DMGDH: variants seen among roughly 807,000 people sequenced by gnomAD.
The protein encoded by DMGDH is dimethylglycine dehydrogenase, mitochondrial.
Under a neutral mutation model 95.2 loss-of-function variants are expected in DMGDH, and 76 were observed. The observed-to-expected ratio is 0.80, with a 90% CI of 0.66 to 0.97. The LOEUF is 0.97. Ranked by LOEUF, DMGDH falls within the 50% of genes least tolerant of loss-of-function variation. The pLI, the probability that DMGDH is intolerant of heterozygous loss-of-function variation, is 0.00. For synonymous variants in DMGDH, 345 were observed against 377.6 expected (o/e 0.91, Z 1.00); for missense variants, 987 against 1,055.0 (o/e 0.94, Z 0.89).
At position 79,005,335 on chromosome 5, in the gene DMGDH, G is replaced by A. The variant is rs1753526671; in HGVS notation, c.2323C>T (p.Leu775Phe). 2 of 1,613,684 alleles carry A rather than the reference G, an allele frequency of 1.2e-6. No individual in the cohort carries two copies. Among genetic ancestry groups the A allele is most frequent in the African/African-American group, 1.3e-5 (1 of 74,916 alleles). The change falls in exon 15 of 16, where the codon CTC (leucine) becomes TTC (phenylalanine). Residue 775 changes from leucine to phenylalanine, a missense_variant. Transcript: ENST00000255189. ...AKGLKRRLVC[L>F]TLATDDVDPE... ...TCAACATCATCCGTTGCCAAGGTGA[G>A]GCAGACCAGTCTTCGTTTCAGCCCC... is the stretch of plus-strand genomic sequence containing the variant.
chr5:79,004,475 T>C (rs1753508892), intron 15 of DMGDH, among the ~76,000 whole-genome samples: 1 of 152,188 alleles, frequency 6.6e-6, no homozygotes, highest in Non-Finnish European at 1.5e-5. Flanking sequence ...CCCTGTTCAT[T>C]GTGGAACAGC....
chr5:79,022,564 T>C (rs1753895848), intron 14 of DMGDH, among the ~76,000 whole-genome samples: 2 of 152,202 alleles, frequency 1.3e-5, no homozygotes, highest in Admixed American at 6.5e-5. Context: ...TCATTAGGAA[T>C]TAACTTTGTG....
intron 12 of DMGDH, among the ~76,000 whole-genome samples, chr5:79,027,363 G>T (rs1754031234): frequency 6.6e-6 from 1 of 152,100 alleles, no homozygotes; most frequent in African/African-American, 2.4e-5. Context: ...AACGTTGGGT[G>T]GAAGAAGGGC....
Position 79,051,324 on chromosome 5 carries a change from C to T in DMGDH, c.708G>A (p.Gln236=), listed in dbSNP as rs1033748869. Residue 236 remains glutamine, a synonymous_variant, in exon 5 of 16, where the codon CAG becomes CAA. Coordinates refer to ENST00000255189, the MANE Select transcript of DMGDH (RefSeq NM_013391.3). ...CAATTCTATTTGCTCTCATAGACCC[C>T]TGTGGTGTTTCAACGTCCCATGTTC... ...SDGTWDVETP[Q]GSMRANRIVN... 1 of 1,614,222 alleles carries T rather than the reference C, an allele frequency of 6.2e-7. No individual in the cohort carries two copies. Among genetic ancestry groups the T allele is most frequent in the Non-Finnish European group, 8.5e-7 (1 of 1,180,034 alleles).
chr5:79,029,614 TAAGAG>T (rs1261200041), intron 11 of DMGDH, among the ~76,000 whole-genome samples: 1 of 152,212 alleles, frequency 6.6e-6, no homozygotes, highest in Admixed American at 6.5e-5. Flanking sequence ...TGCAAAATAT[TAAGAG>T]AATTCATTAA....
chr5:79,037,271 G>A (rs553092838), intron 7 of DMGDH, among the ~76,000 whole-genome samples: 49 of 152,288 alleles, frequency 3.2e-4, no homozygotes, highest in Non-Finnish European at 5.0e-4. Context: ...ACAGATGAGA[G>A]GTATAGGAGA....
chr5:79,055,341 A>T (rs947243782), intron 3 of DMGDH, among the ~76,000 whole-genome samples: 2 of 152,254 alleles, frequency 1.3e-5, no homozygotes, highest in South Asian at 4.1e-4. Flanking sequence ...TTGAGACCTC[A>T]GTCTTAGCCT....
chr5:79,038,265 C>T (rs111337604), intron 7 of DMGDH, among the ~76,000 whole-genome samples: 10,538 of 152,118 alleles, frequency 0.069, 491 homozygotes, highest in Middle Eastern at 0.12. Flanking sequence ...GGGTGGATCA[C>T]TTGAGGTCAG....
chr5:79,000,431 C>T (rs1394808180), intron 15 of DMGDH: 2 of 622,882 alleles, frequency 3.2e-6, no homozygotes, highest in Non-Finnish European at 6.3e-6. Flanking sequence ...TTGGAAAGAA[C>T]CATTTTCACC....
chr5:79,021,884 C>T (rs1408533007), intron 14 of DMGDH, among the ~76,000 whole-genome samples: 1 of 152,082 alleles, frequency 6.6e-6, no homozygotes, highest in Non-Finnish European at 1.5e-5. Flanking sequence ...CAGAGGGTGG[C>T]GTTCGACCTA....
At chr5:79,052,232 T>C (rs1020097063) in intron 4 of DMGDH, among the ~76,000 whole-genome samples, 2 of 152,242 alleles carry the variant, frequency 1.3e-5, no homozygotes, top group African/African-American at 4.8e-5. Flanking sequence ...TTGAGGATTT[T>C]TGTATCTATG....
chr5:79,038,581 A>C (rs561532555), intron 7 of DMGDH, among the ~76,000 whole-genome samples: 2 of 152,338 alleles, frequency 1.3e-5, no homozygotes, highest in East Asian at 3.9e-4. Context: ...ATCTATGGTC[A>C]ATTTATTTTT....
intron 14 of DMGDH, among the ~76,000 whole-genome samples, chr5:79,009,365 CT>C (rs34398829): frequency 0.47 from 62,174 of 132,202 alleles, 14,173 homozygotes; most frequent in Admixed American, 0.54. Flanking sequence ...CTTTTCTTTT[CT>C]TTTTTTTTTT....
chr5:79,033,394 T>C lies in DMGDH; in HGVS notation c.1208A>G (p.His403Arg), dbSNP rs1000003587. ...GAGATATTTCCCTACCCCACCAGCG[T>C]GGATTATGCCATATCTTTCAAATAC... ...VAIGFGYGII[H>R]AGGVGKYLSD... Residue 403 changes from histidine (H) to arginine (R), a missense_variant, in exon 8 of 16, where the codon CAC (histidine) becomes CGC (arginine). By Grantham distance (29) the His-to-Arg change is conservative. Coordinates refer to ENST00000255189, the MANE Select transcript of DMGDH (RefSeq NM_013391.3). The C allele has an allele frequency of 4.3e-6, 7 of 1,614,038 alleles. No homozygotes were observed. Among genetic ancestry groups the C allele is most frequent in the Non-Finnish European group, 5.9e-6 (7 of 1,180,048 alleles).
At chr5:79,008,262 G>A (rs565159166) in intron 14 of DMGDH, among the ~76,000 whole-genome samples, 2 of 152,240 alleles carry the variant, frequency 1.3e-5, no homozygotes, top group South Asian at 2.1e-4. Flanking sequence ...AGCGGGGATC[G>A]GGGCATTCTT....
chr5:79,061,057 A>G (rs1157472673), intron 2 of DMGDH, among the ~76,000 whole-genome samples: 1 of 152,090 alleles, frequency 6.6e-6, no homozygotes, highest in Non-Finnish European at 1.5e-5. Flanking sequence ...CCTCATCTCT[A>G]CAAAAAACTT....
At chr5:79,058,856 A>G (rs612893) in intron 2 of DMGDH, among the ~76,000 whole-genome samples, 79,691 of 151,968 alleles carry the variant, frequency 0.52, 22,784 homozygotes, top group East Asian at 0.64. Flanking sequence ...AATAATGGAT[A>G]GCATAACGGA....
At chr5:79,005,716 G>A (rs1466820232) in intron 14 of DMGDH, among the ~76,000 whole-genome samples, 1 of 152,192 alleles carries the variant, frequency 6.6e-6, no homozygotes. Flanking sequence ...TGACCCTTGT[G>A]TCTAATGGGT....
Position 79,030,912 on chromosome 5 carries a change from G to A in DMGDH, c.1604C>T (p.Ser535Leu), listed in dbSNP as rs768593842. The change falls in exon 10 of 16, where the codon TCA (serine) becomes TTA (leucine). Residue 535 changes from serine (S) to leucine (L), a missense_variant. By Grantham distance (145) the Ser-to-Leu change is moderately radical. Coordinates refer to ENST00000255189, the MANE Select transcript of DMGDH (RefSeq NM_013391.3). Reference sequence around the variant, plus strand: ...TTTGATGTTAAACTTGCCAAATGGTGATAGGTCAGTTACCGCTACTCTTTG... The same window carrying A: ...TTTGATGTTAAACTTGCCAAATGGTAATAGGTCAGTTACCGCTACTCTTTG... ...VMQRVAVTDLSPFGKFNIKGQ... is the reference protein window; with the variant it reads ...VMQRVAVTDLLPFGKFNIKGQ... 2 of 1,614,094 alleles carry A rather than the reference G, an allele frequency of 1.2e-6. No homozygotes were observed. The highest frequency in any genetic ancestry group is 4.5e-5 in the East Asian group (2 of 44,874).
Sources: gnomAD v4.1 joint callset for allele counts (sites outside exome capture counted in the v4.1 genomes callset) on GRCh38, gnomAD v4.1.1 for gene constraint, MANE v1.5 for transcripts, NCBI Gene and HGNC (gene_info 2026-07-23, HGNC 2026-07-21) for gene names.